Variants in SMARCA2 observed in about 807,000 individuals in gnomAD.
SMARCA2 encodes the protein SWI/SNF-related matrix-associated actin-dependent regulator of chromatin subfamily A member 2.
Under a neutral mutation model 199.8 loss-of-function variants are expected in SMARCA2, and 61 were observed. That is an observed-to-expected ratio of 0.31 (90% CI 0.25 to 0.38). The LOEUF is 0.38. SMARCA2 is among the 10% of genes least tolerant of loss of function. The probability of loss-of-function intolerance (pLI) is 1.00; values close to 1 mark genes in which losing one functional copy is unlikely to be tolerated. For missense variants in SMARCA2, 1,344 were observed against 2,012.2 expected (o/e 0.67, Z 6.35); for synonymous variants, 935 against 732.0 (o/e 1.28, Z -4.48).
chr9:2,172,294 C>T (rs751855192), intron 29 of SMARCA2, among the ~76,000 whole-genome samples: 2 of 151,742 alleles, frequency 1.3e-5, no homozygotes, highest in Non-Finnish European at 2.9e-5. Context: ...AGAGCTATGT[C>T]AACAAATAAT....
At chr9:2,108,031 C>T (rs928637626) in intron 23 of SMARCA2, among the ~76,000 whole-genome samples, 7 of 152,148 alleles carry the variant, frequency 4.6e-5, no homozygotes, top group Admixed American at 3.9e-4. Context: ...AATGAAATCA[C>T]AGGTTCGTTC....
At position 2,118,039 on chromosome 9, in the gene SMARCA2, G is replaced by T. The variant is rs182450646; in HGVS notation, c.3685-1419G>T. Among the ~76,000 whole-genome samples the T allele has an allele frequency of 2.8e-3, 425 of 152,272 alleles. 2 individuals carry two copies. Among genetic ancestry groups the T allele is most frequent in the Non-Finnish European group, 2.1e-3 (142 of 68,020 alleles). On this transcript the variant is annotated intron_variant, in intron 25 of 33. Transcript: ENST00000349721. ...TCCAGCTATTTGGTTTTCCATGAAG[G>T]TCATAAACAGGCACTTTACAAGAGA...
intron 14 of SMARCA2, 120 bp from the exon 15 acceptor site, chr9:2,081,712 C>G (rs748257133): frequency 4.1e-5 from 32 of 774,352 alleles, no homozygotes; most frequent in Non-Finnish European, 6.5e-5. Flanking sequence ...CATTTTCCTA[C>G]TGTGGGAAAC....
intron 1 of SMARCA2, among the ~76,000 whole-genome samples, chr9:2,020,369 C>G (rs117976102): frequency 6.6e-6 from 1 of 151,986 alleles, no homozygotes; most frequent in Non-Finnish European, 1.5e-5. Flanking sequence ...AACCTTTAGC[C>G]GGTTAATAAA....
Position 2,115,781 on chromosome 9 carries a change from C to A in SMARCA2, c.3457-41C>A, listed in dbSNP as rs770584491. On this transcript the variant is annotated intron_variant, in intron 24 of 33. Coordinates refer to ENST00000349721, the MANE Select transcript of SMARCA2 (RefSeq NM_003070.5). This position sits in a 1 kb window ranked among gnomAD's most constrained non-coding sequence, Gnocchi z 6.0. ...GGGGTCCGGTTTTGGATGCCTATGC[C>A]AGGCATCTCAGTCCTCATAGCATAT... The A allele has an allele frequency of 1.3e-6, 2 of 1,534,620 alleles. No homozygotes were observed. The highest frequency in any genetic ancestry group is 1.4e-5 in the African/African-American group (1 of 73,220).
At chr9:2,153,390 A>G (rs923154276) in intron 27 of SMARCA2, among the ~76,000 whole-genome samples, 1 of 152,108 alleles carries the variant, frequency 6.6e-6, no homozygotes, top group African/African-American at 2.4e-5. Context: ...GAAAATCGCC[A>G]GGCATGGTGG....
Position 2,119,356 on chromosome 9 carries a change from CT to C in SMARCA2, c.3685-100del. On this transcript the variant is annotated intron_variant, in intron 25 of 33. Coordinates refer to ENST00000349721, the MANE Select transcript of SMARCA2 (RefSeq NM_003070.5). The surrounding 1 kb of genome is among the most constrained non-coding windows in gnomAD (Gnocchi z 4.6). ...GCAACCCCTTCCCTTTTCTTTCTGCCTTGAGAAATGGGACCCCTCTGGTCTG... is the reference window on the plus strand; with the variant it reads ...GCAACCCCTTCCCTTTTCTTTCTGCCTGAGAAATGGGACCCCTCTGGTCTG... The C allele has an allele frequency of 2.7e-6, 2 of 736,090 alleles. No homozygotes were observed. Among genetic ancestry groups the C allele is most frequent in the Admixed American group, 4.5e-5 (2 of 44,822 alleles). The allele number at this position is 736,090 out of a possible 1,614,324, so 45.6% of individuals were successfully genotyped here. A position where few individuals can be genotyped will look rare whatever the true frequency, so the allele number is the denominator to read the frequency against.
chr9:2,062,208 T>G (rs566449399), intron 9 of SMARCA2, among the ~76,000 whole-genome samples: 68 of 152,306 alleles, frequency 4.5e-4, no homozygotes, highest in Admixed American at 4.3e-3. Context: ...GTCTAATGAC[T>G]TCCAGAAAAA....
rs1360807925 is a variant in SMARCA2 at position 2,192,698 on chromosome 9, T to G, written c.4738-6T>G. On this transcript the variant is annotated splice_region_variant and splice_polypyrimidine_tract_variant and intron_variant, in intron 33 of 33. Coordinates refer to ENST00000349721, the MANE Select transcript of SMARCA2 (RefSeq NM_003070.5). ...CTTCATTTTATCTTCTTATTTTTAC[T>G]TTTAGGAACAGTCAGAAGGAAGTGG... The G allele has an allele frequency of 6.2e-7, 1 of 1,600,458 alleles. No homozygotes were observed. Among genetic ancestry groups the G allele is most frequent in the South Asian group, 1.1e-5 (1 of 90,772 alleles).
Position 2,077,753 on chromosome 9 carries a change from A to C in SMARCA2, c.2161A>C (p.Asn721His). 6.2e-7 allele frequency: 1 copy of C among 1,612,766 alleles called. No individual in the cohort carries two copies. Among genetic ancestry groups the C allele is most frequent in the Non-Finnish European group, 8.5e-7 (1 of 1,179,410 alleles). ...GGAGAAACAGTCTGCCCTCCTAATT[A>C]ATGGGACCCTAAAGCATTACCAGGT... ...RVEKQSALLI[N>H]GTLKHYQLQG... The change falls in exon 14 of 34, where the codon AAT (asparagine) becomes CAT (histidine). Residue 721 changes from asparagine to histidine, a missense_variant. Physicochemically the swap from Asn to His is moderately conservative, Grantham distance 68. Transcript: ENST00000349721.
chr9:2,145,508 C>T (rs191031850), intron 27 of SMARCA2, among the ~76,000 whole-genome samples: 32 of 151,978 alleles, frequency 2.1e-4, no homozygotes, highest in Admixed American at 5.9e-4. Context: ...TGTGGTCAGG[C>T]GGTAGAATCA....
At chr9:2,060,791 C>T (rs1820554652) in intron 8 of SMARCA2, 25 bp from the exon 9 acceptor site, 2 of 1,610,392 alleles carry the variant, frequency 1.2e-6, no homozygotes, top group African/African-American at 2.7e-5. Flanking sequence ...ATTATGCTCT[C>T]ATCCTGCTCT....
At chr9:2,047,545 A>AG (rs1359815859) in intron 5 of SMARCA2, 61 bp downstream of exon 5, 10 of 1,236,332 alleles carry the variant, frequency 8.1e-6, no homozygotes, top group Middle Eastern at 2.3e-4. Flanking sequence ...GCCCAAGCCG[A>AG]GGGGGGTGAG....
intron 29 of SMARCA2, chr9:2,181,085 G>C (rs1399786860): frequency 6.5e-6 from 1 of 153,698 alleles, no homozygotes; most frequent in Non-Finnish European, 1.4e-5. Flanking sequence ...TTTCACTTGA[G>C]TTTCCAGAGT....
chr9:2,092,641 G>C (rs771284986), intron 19 of SMARCA2, among the ~76,000 whole-genome samples: 7 of 152,190 alleles, frequency 4.6e-5, no homozygotes, highest in Admixed American at 1.3e-4. Context: ...CCAGTATAAT[G>C]ACCTGATTTG....
At chr9:2,022,480 A>G (rs943263815) in intron 1 of SMARCA2, among the ~76,000 whole-genome samples, 3 of 152,212 alleles carry the variant, frequency 2.0e-5, no homozygotes, top group African/African-American at 4.8e-5. Context: ...TTTAACTGCA[A>G]TGAACTTGGA....
chr9:2,088,667 T>A lies in SMARCA2; in HGVS notation c.2883+54T>A. The A allele has an allele frequency of 3.5e-6, 4 of 1,148,052 alleles. No individual in the cohort carries two copies. In the South Asian group the frequency reaches 5.4e-5, roughly 15 times the overall value. The allele number at this position is 1,148,052 out of a possible 1,614,324, so 71.1% of individuals were successfully genotyped here. On this transcript the variant is annotated intron_variant, in intron 19 of 33. Coordinates refer to ENST00000349721, the MANE Select transcript of SMARCA2 (RefSeq NM_003070.5). ...TTTTTTTTTCCTCCAGCAAATATAT[T>A]TGAAGTACCTGCCTCTGAAATTGTG...
intron 28 of SMARCA2, among the ~76,000 whole-genome samples, chr9:2,164,520 G>A (rs1375189282): frequency 6.6e-6 from 1 of 152,172 alleles, no homozygotes; most frequent in Non-Finnish European, 1.5e-5. Context: ...GGGATTTAAT[G>A]TAACTCAGGT....
chr9:2,048,536 T>C (rs10125856), intron 5 of SMARCA2, among the ~76,000 whole-genome samples: 46,411 of 152,080 alleles, frequency 0.31, 7,300 homozygotes, highest in African/African-American at 0.4. Context: ...TGTCTGGGCT[T>C]CCTTTTAAAA....
Sources: allele counts gnomAD v4.1 joint callset (sites outside exome capture counted in the v4.1 genomes callset), GRCh38; gene constraint gnomAD v4.1.1; non-coding constraint Gnocchi (gnomAD v3.1); transcripts MANE v1.5; gene names NCBI Gene and HGNC (gene_info 2026-07-23, HGNC 2026-07-21).